PHKA2: variants seen among roughly 807,000 people sequenced by gnomAD.
PHKA2 encodes phosphorylase b kinase regulatory subunit alpha, liver isoform.
Under a neutral mutation model 102.0 loss-of-function variants are expected in PHKA2, and 31 were observed. The ratio of observed to expected loss-of-function variants is 0.30; its 90% CI spans 0.23 to 0.41. The LOEUF is 0.41. Among genes scored for constraint, PHKA2 ranks in the 10% least tolerant of loss-of-function variants. The pLI is 1.00. For missense variants in PHKA2, 858 were observed against 1,023.1 expected (o/e 0.84, Z 2.20); for synonymous variants, 455 against 416.2 (o/e 1.09, Z -1.13).
intron 11 of PHKA2, among the ~76,000 whole-genome samples, chrX:18,933,331 C>T (rs989965443): frequency 8.9e-6 from 1 of 112,503 alleles, no homozygotes; most frequent in Non-Finnish European, 1.9e-5. Flanking sequence ...GCTGCCACTG[C>T]CCTCCATCTC....
At chrX:18,942,847 TA>T (rs78129657) in intron 7 of PHKA2, among the ~76,000 whole-genome samples, 1,234 of 85,615 alleles carry the variant, frequency 0.014, 5 homozygotes, top group Middle Eastern at 0.022. Flanking sequence ...GACCTCCTCT[TA>T]AAAAAAAAAA....
chrX:18,919,746 A>AAAAAAAAAAAAG (rs1556000663), intron 18 of PHKA2, among the ~76,000 whole-genome samples: 2 of 103,223 alleles, frequency 1.9e-5, no homozygotes, highest in African/African-American at 7.4e-5. Context: ...AAAAAAAAAA[A>AAAAAAAAAAAAG]AGAGAGAGAG....
chrX:18,943,894 T>C, intron 6 of PHKA2, 86 bp from the exon 7 acceptor site: 1 of 656,406 alleles, frequency 1.5e-6, no homozygotes, highest in Non-Finnish European at 2.6e-6. Flanking sequence ...AGCAATCTAG[T>C]ATACATGTTT....
chrX:18,903,707 C>A (rs1407457229), intron 26 of PHKA2, among the ~76,000 whole-genome samples: 2 of 112,093 alleles, frequency 1.8e-5, no homozygotes, highest in East Asian at 5.6e-4. Context: ...ATGCACTGCA[C>A]CAGGCCACCA....
intron 11 of PHKA2, among the ~76,000 whole-genome samples, chrX:18,932,659 T>C (rs1255545759): frequency 9.0e-6 from 1 of 110,951 alleles, no homozygotes; most frequent in Non-Finnish European, 1.9e-5. Flanking sequence ...AGGACAATAG[T>C]GTGGAAGGAG....
Position 18,906,492 on chromosome X carries a change from C to G in PHKA2, c.2806+3G>C. The G allele has an allele frequency of 8.3e-7, 1 of 1,212,112 alleles. No individual in the cohort carries two copies. The highest frequency in any genetic ancestry group is 1.1e-6 in the Non-Finnish European group (1 of 895,489). ...GGAGCTGCAGGAGCTGCGGGCATCTCACCTGAGCAGTTCAGGCTCCGTGCC... is the reference window on the plus strand; with the variant it reads ...GGAGCTGCAGGAGCTGCGGGCATCTGACCTGAGCAGTTCAGGCTCCGTGCC... On this transcript the variant is annotated splice_donor_region_variant and intron_variant, in intron 25 of 32. Transcript: ENST00000379942.
chrX:18,951,990 G>C (rs1849519385), intron 3 of PHKA2, among the ~76,000 whole-genome samples: 1 of 109,261 alleles, frequency 9.2e-6, no homozygotes, highest in Admixed American at 9.9e-5. Flanking sequence ...CTTCAAAAGA[G>C]ATTCTCAGAA....
chrX:18,978,758 T>G (rs1361798284), intron 1 of PHKA2, among the ~76,000 whole-genome samples: 1 of 111,576 alleles, frequency 9.0e-6, no homozygotes, highest in African/African-American at 3.3e-5. Context: ...CCACATATAT[T>G]AATGGTAATG....
intron 3 of PHKA2, 37 bp downstream of exon 3, chrX:18,952,457 T>C: frequency 8.7e-7 from 1 of 1,147,752 alleles, no homozygotes; most frequent in South Asian, 1.8e-5. Context: ...TGACATGGAA[T>C]GCCCACTTGG....
intron 19 of PHKA2, among the ~76,000 whole-genome samples, chrX:18,917,917 CT>C (rs76729112): frequency 0.016 from 1,722 of 104,403 alleles, 33 homozygotes; most frequent in African/African-American, 0.045. Context: ...TTCCACTTCA[CT>C]TTTTTTTTTT....
rs1373521223 is a variant in PHKA2 at position 18,908,034 on chromosome X, G to T, written c.2383C>A (p.Leu795Ile). The change falls in exon 22 of 33, where the codon CTC becomes ATC. Residue 795 changes from leucine (L) to isoleucine (I), a missense_variant. Physicochemically the swap from Leu to Ile is conservative, Grantham distance 5. Coordinates refer to ENST00000379942, the MANE Select transcript of PHKA2 (RefSeq NM_000292.3). Reference protein sequence around the residue: ...VIKGPSWDTNLSGQHGVTVQN... With the variant: ...VIKGPSWDTNISGQHGVTVQN... Reference sequence around the variant, plus strand: ...ACGGTGACCCCGTGCTGTCCAGAGAGATTTGTGTCCCAGCTGGGACCCCTG... The same window carrying T: ...ACGGTGACCCCGTGCTGTCCAGAGATATTTGTGTCCCAGCTGGGACCCCTG... 1.7e-6 allele frequency: 2 copies of T among 1,209,674 alleles called. No homozygotes were observed. Among genetic ancestry groups the T allele is most frequent in the East Asian group, 5.9e-5 (2 of 33,742 alleles).
intron 11 of PHKA2, among the ~76,000 whole-genome samples, chrX:18,933,542 G>C (rs2048347575): frequency 8.9e-6 from 1 of 112,719 alleles, no homozygotes; most frequent in Non-Finnish European, 1.9e-5. Flanking sequence ...ATCTGGCTGA[G>C]GAAATGAGTG....
At chrX:18,919,746 A>AAAAAAAAAG (rs1556000663) in intron 18 of PHKA2, among the ~76,000 whole-genome samples, 1 of 103,223 alleles carries the variant, frequency 9.7e-6, no homozygotes, top group African/African-American at 3.7e-5. Context: ...AAAAAAAAAA[A>AAAAAAAAAG]AGAGAGAGAG....
chrX:18,908,218 A>G (rs1047687214), intron 21 of PHKA2, among the ~76,000 whole-genome samples, 162 bp from the exon 22 acceptor site: 2 of 112,528 alleles, frequency 1.8e-5, no homozygotes, highest in Non-Finnish European at 3.8e-5. Context: ...CCTTTGAAAC[A>G]GAAGCCTAAC....
At chrX:18,938,277 C>T (rs975918361) in intron 10 of PHKA2, among the ~76,000 whole-genome samples, 2 of 112,870 alleles carry the variant, frequency 1.8e-5, no homozygotes, top group Non-Finnish European at 3.7e-5. Flanking sequence ...CCAAGGCCCC[C>T]ACCAATAGCA....
At chrX:18,900,018 C>T (rs891678022) in intron 28 of PHKA2, among the ~76,000 whole-genome samples, 21 of 111,170 alleles carry the variant, frequency 1.9e-4, no homozygotes, top group Admixed American at 2.9e-4. Flanking sequence ...GACAGAGGGA[C>T]GGTGCCACCG....
rs775796728 is a variant in PHKA2, at chrX:18,923,047, C to CTT, written c.1793+1007_1793+1008dup. On this transcript the variant is annotated intron_variant, in intron 17 of 32. Transcript: ENST00000379942. ...GGCTGAGCTACACAGTGAGATTCTC[C>CTT]TTTTTTTTTTTTTTTTTTTTGAGAC... Among the ~76,000 whole-genome samples, 243 of 82,463 alleles carry CTT rather than the reference C, an allele frequency of 2.9e-3. 1 individual carries two copies. The highest frequency in any genetic ancestry group is 7.9e-3 in the African/African-American group (160 of 20,257). 71.6% of individuals were successfully genotyped at this position (82,463 alleles called of 115,157 possible).
At chrX:18,944,490 C>T (rs1426295197) in intron 6 of PHKA2, among the ~76,000 whole-genome samples, 4 of 111,840 alleles carry the variant, frequency 3.6e-5, no homozygotes, top group African/African-American at 6.5e-5. Context: ...GGGAAGGAGG[C>T]ACACCATATG....
In PHKA2 at chrX:18,893,284, G is replaced by C; in HGVS notation, c.*201C>G. On this transcript the variant is annotated 3_prime_UTR_variant, in exon 33 of 33. Transcript: ENST00000379942. ...TGATCCCGGGGTGCTCCTTGCGGGG[G>C]AACACAGGACTCCTCAGCTCTATCT... The C allele has an allele frequency of 2.1e-6, 1 of 470,418 alleles. No homozygotes were observed. Among genetic ancestry groups the C allele is most frequent in the South Asian group, 2.9e-5 (1 of 34,046 alleles). 38.8% of individuals were successfully genotyped at this position (470,418 alleles called of 1,213,427 possible).
Sources: gnomAD v4.1 joint callset for allele counts (sites outside exome capture counted in the v4.1 genomes callset) on GRCh38, gnomAD v4.1.1 for gene constraint, MANE v1.5 for transcripts, NCBI Gene and HGNC (gene_info 2026-07-23, HGNC 2026-07-21) for gene names.